The following MYO1D variants were observed in gnomAD, a reference collection of about 807,000 sequenced individuals.
The protein encoded by MYO1D is unconventional myosin-Id.
MYO1D carries 83 observed loss-of-function variants against 122.0 expected under a neutral mutation model. The observed-to-expected ratio is 0.68, with a 90% CI of 0.57 to 0.82. MYO1D has a LOEUF of 0.82. MYO1D is among the 40% of genes least tolerant of loss of function. The pLI is 0.00. For missense variants in MYO1D, 1,157 were observed against 1,269.5 expected (o/e 0.91, Z 1.35); for synonymous variants, 464 against 446.9 (o/e 1.04, Z -0.48).
In MYO1D at chr17:32,494,525, G is replaced by T; in HGVS notation, c.*234C>A. On this transcript the variant is annotated 3_prime_UTR_variant, in exon 22 of 22. Transcript: ENST00000318217. ...GATTGGTCTGGACGTCAGCCCAGGG[G>T]TCTGGGCGGGGCACCAGGGTCTTTG... The T allele has an allele frequency of 7.1e-6, 4 of 567,018 alleles. No homozygotes were observed. In the South Asian group the frequency reaches 8.8e-5, roughly 13 times the overall value. The allele number at this position is 567,018 out of a possible 1,614,324, so 35.1% of individuals were successfully genotyped here. A position where few individuals can be genotyped will look rare whatever the true frequency, so the allele number is the denominator to read the frequency against.
chr17:32,660,677 CA>C (rs1227297059), intron 16 of MYO1D, among the ~76,000 whole-genome samples: 2 of 147,710 alleles, frequency 1.4e-5, no homozygotes, highest in East Asian at 3.8e-4. Context: ...CTAGAGTTCA[CA>C]TATAAACAGA....
rs888404906 is a variant in MYO1D, at chr17:32,718,432, T to C, written c.1913+2591A>G. Among the ~76,000 whole-genome samples the C allele has an allele frequency of 3.3e-5, 5 of 152,192 alleles. No homozygotes were observed. In the East Asian group the frequency reaches 5.8e-4, roughly 18 times the overall value. Reference sequence around the variant, plus strand: ...CCATCTTCTGGCTGGGCGTGGTGGCTCATGCCTATAATCCCAGCACTTTGG... The same window carrying C: ...CCATCTTCTGGCTGGGCGTGGTGGCCCATGCCTATAATCCCAGCACTTTGG... On this transcript the variant is annotated intron_variant, in intron 15 of 21. Coordinates refer to ENST00000318217, the MANE Select transcript of MYO1D (RefSeq NM_015194.3).
chr17:32,814,661 T>C (rs1032683730), intron 1 of MYO1D, among the ~76,000 whole-genome samples: 3 of 152,256 alleles, frequency 2.0e-5, no homozygotes, highest in Non-Finnish European at 4.4e-5. Context: ...TAAGACAAAT[T>C]AATCATTGTT....
chr17:32,828,312 C>T (rs2090740785), intron 1 of MYO1D, among the ~76,000 whole-genome samples: 1 of 151,856 alleles, frequency 6.6e-6, no homozygotes, highest in South Asian at 2.1e-4. Flanking sequence ...GTCAGGAGAT[C>T]GAGATCATCC....
intron 20 of MYO1D, among the ~76,000 whole-genome samples, chr17:32,620,477 GT>G (rs1195073411): frequency 6.6e-6 from 1 of 152,146 alleles, no homozygotes; most frequent in Non-Finnish European, 1.5e-5. Context: ...GCCTGCTGGT[GT>G]TTCTGGATGG....
chr17:32,640,552 AC>A (rs2088182820), intron 19 of MYO1D, among the ~76,000 whole-genome samples: 1 of 132,968 alleles, frequency 7.5e-6, no homozygotes, highest in African/African-American at 2.9e-5. Flanking sequence ...TTCAATTCCC[AC>A]CTATGAGTGA....
In MYO1D at chr17:32,557,251, T is replaced by C. The variant is rs529687325; in HGVS notation, c.2864+47836A>G. Among the ~76,000 whole-genome samples the C allele has an allele frequency of 1.9e-4, 29 of 151,898 alleles. No individual in the cohort carries two copies. In the East Asian group the frequency reaches 3.3e-3, roughly 17 times the overall value. On this transcript the variant is annotated intron_variant, in intron 21 of 21. Coordinates refer to ENST00000318217, the MANE Select transcript of MYO1D (RefSeq NM_015194.3). ...CTCCTGCCTCAGCCTCCTGAGTAGC[T>C]GGGATTACAGATGCCCGCTACCACG...
intron 21 of MYO1D, among the ~76,000 whole-genome samples, chr17:32,501,738 T>C (rs1228996528): frequency 1.3e-5 from 2 of 152,250 alleles, no homozygotes; most frequent in African/African-American, 4.8e-5. Context: ...TTGCCCTGTC[T>C]GTCTCTTTAT....
intron 20 of MYO1D, among the ~76,000 whole-genome samples, chr17:32,619,784 A>G (rs2087831067): frequency 6.6e-6 from 1 of 152,206 alleles, no homozygotes; most frequent in East Asian, 1.9e-4. Flanking sequence ...TGCTTTCCTT[A>G]TTAGTCTTTA....
chr17:32,818,903 T>C (rs1193617735), intron 1 of MYO1D, among the ~76,000 whole-genome samples: 1 of 152,210 alleles, frequency 6.6e-6, no homozygotes, highest in Non-Finnish European at 1.5e-5. Flanking sequence ...ATTTTCTGCT[T>C]AAAAACTTTA....
chr17:32,767,476 T>C (rs1424847049), intron 7 of MYO1D, among the ~76,000 whole-genome samples, 160 bp downstream of exon 7: 1 of 152,218 alleles, frequency 6.6e-6, no homozygotes, highest in South Asian at 2.1e-4. Context: ...CATAATATTA[T>C]AAAATGATGG....
At chr17:32,851,855 C>G (rs915005134) in intron 1 of MYO1D, among the ~76,000 whole-genome samples, 5 of 152,220 alleles carry the variant, frequency 3.3e-5, no homozygotes, top group African/African-American at 1.2e-4. Flanking sequence ...TGCTTGCTGG[C>G]CCGCTGCTCA....
At chr17:32,535,750 C>CATCAA (rs369081884) in intron 21 of MYO1D, among the ~76,000 whole-genome samples, 7,223 of 151,370 alleles carry the variant, frequency 0.048, 519 homozygotes, top group African/African-American at 0.16. Context: ...GACTCCATCT[C>CATCAA]AACAAAACAA....
chr17:32,552,108 C>T (rs1215049000), intron 21 of MYO1D, among the ~76,000 whole-genome samples: 1 of 152,196 alleles, frequency 6.6e-6, no homozygotes, highest in Non-Finnish European at 1.5e-5. Flanking sequence ...CAGGGTCTTG[C>T]TTTGTTGCCT....
At chr17:32,784,520 G>A (rs2090272730) in intron 1 of MYO1D, among the ~76,000 whole-genome samples, 1 of 151,516 alleles carries the variant, frequency 6.6e-6, no homozygotes, top group African/African-American at 2.4e-5. Flanking sequence ...AAACTAGTAA[G>A]TTTAAAAATA....
intron 21 of MYO1D, among the ~76,000 whole-genome samples, chr17:32,563,867 C>G (rs541197636): frequency 2.6e-5 from 4 of 152,172 alleles, no homozygotes; most frequent in Non-Finnish European, 5.9e-5. Context: ...TTTGACTTAG[C>G]GTATTTAGTT....
chr17:32,792,950 C>A (rs145191439), intron 1 of MYO1D, among the ~76,000 whole-genome samples: 1 of 152,150 alleles, frequency 6.6e-6, no homozygotes, highest in East Asian at 2.0e-4. Flanking sequence ...GGGTTTGAAC[C>A]CTGGCTCTGC....
At position 32,822,449 on chromosome 17, in the gene MYO1D, C is replaced by T. The variant is rs377175045; in HGVS notation, c.96-41665G>A. On this transcript the variant is annotated intron_variant, in intron 1 of 21. Transcript: ENST00000318217. ...TCGTCTTCCTCCCTCCCGGCCTCTC[C>T]CGCCGACCACGGGCAGTGGTGGGGG... 4.1e-3 allele frequency among the ~76,000 whole-genome samples: 618 copies of T among 150,966 alleles called. 7 individuals carry two copies. Among genetic ancestry groups the T allele is most frequent in the South Asian group, 0.014 (65 of 4,796 alleles).
chr17:32,836,728 C>T (rs2090828500), intron 1 of MYO1D, among the ~76,000 whole-genome samples: 1 of 152,076 alleles, frequency 6.6e-6, no homozygotes, highest in Admixed American at 6.6e-5. Flanking sequence ...ATTATAGTTA[C>T]ATAATGACAT....
Sources: allele counts gnomAD v4.1 joint callset (sites outside exome capture counted in the v4.1 genomes callset), GRCh38; gene constraint gnomAD v4.1.1; transcripts MANE v1.5; gene names NCBI Gene and HGNC (gene_info 2026-07-23, HGNC 2026-07-21).